SNX29: variants seen among roughly 807,000 people sequenced by gnomAD.
SNX29 encodes the protein sorting nexin 29.
SNX29 carries 78 observed loss-of-function variants against 102.1 expected under a neutral mutation model. The observed-to-expected ratio is 0.76, with a 90% CI of 0.64 to 0.92. The LOEUF (loss-of-function observed/expected upper bound fraction) is 0.92, where lower values mean the gene tolerates loss of function less well. Ranked by LOEUF, SNX29 falls within the 40% of genes least tolerant of loss-of-function variation. The probability of loss-of-function intolerance (pLI) is 0.00; values close to 1 mark genes in which losing one functional copy is unlikely to be tolerated. For missense variants in SNX29, 1,280 were observed against 1,061.7 expected (o/e 1.21, Z -2.86); for synonymous variants, 580 against 414.5 (o/e 1.40, Z -4.85).
intron 15 of SNX29, among the ~76,000 whole-genome samples, chr16:12,283,357 G>A (rs1432887159): frequency 6.8e-6 from 1 of 147,198 alleles, no homozygotes; most frequent in African/African-American, 2.5e-5. Flanking sequence ...GCCTCACTCT[G>A]TCACCAGGCT....
At chr16:12,134,775 G>A (rs1461923917) in intron 13 of SNX29, among the ~76,000 whole-genome samples, 1 of 152,172 alleles carries the variant, frequency 6.6e-6, no homozygotes, top group Non-Finnish European at 1.5e-5. Context: ...CACTCATCAG[G>A]TATCTGCTTC....
At chr16:12,442,871 G>C (rs2085872933) in intron 18 of SNX29, 1 of 379,720 alleles carries the variant, frequency 2.6e-6, no homozygotes, top group Non-Finnish European at 5.2e-6. Flanking sequence ...GGGATTTTAG[G>C]TGTCAGCCAC....
intron 11 of SNX29, among the ~76,000 whole-genome samples, chr16:12,103,000 T>C (rs1357304236): frequency 1.3e-5 from 2 of 152,180 alleles, no homozygotes; most frequent in African/African-American, 2.4e-5. Context: ...TTACAAGGGA[T>C]GTGAAGGACC....
chr16:12,520,946 C>A lies in SNX29; in HGVS notation c.2179-3756C>A, dbSNP rs1392661467. Among the ~76,000 whole-genome samples, 4 of 152,148 alleles carry A rather than the reference C, an allele frequency of 2.6e-5. No individual in the cohort carries two copies. In the East Asian group the frequency reaches 7.7e-4, roughly 29 times the overall value. Reference sequence around the variant, plus strand: ...GGGTGCAGTAGCTCATGCCTGTAATCCCAGTACTTTGGGACACTGAGGTGG... The same window carrying A: ...GGGTGCAGTAGCTCATGCCTGTAATACCAGTACTTTGGGACACTGAGGTGG... On this transcript the variant is annotated intron_variant, in intron 19 of 20. Transcript: ENST00000566228.
At chr16:12,314,598 A>G (rs2080671354) in intron 15 of SNX29, among the ~76,000 whole-genome samples, 1 of 152,258 alleles carries the variant, frequency 6.6e-6, no homozygotes, top group Non-Finnish European at 1.5e-5. Flanking sequence ...TATGCAAGAT[A>G]TACCACTTAA....
chr16:12,045,275 A>G (rs1310634328), intron 5 of SNX29, among the ~76,000 whole-genome samples: 1 of 152,114 alleles, frequency 6.6e-6, no homozygotes, highest in East Asian at 1.9e-4. Flanking sequence ...CTCTCACTCA[A>G]CTACAGGTCA....
At chr16:12,543,460 T>A (rs1024680670) in intron 20 of SNX29, among the ~76,000 whole-genome samples, 2 of 152,222 alleles carry the variant, frequency 1.3e-5, no homozygotes, top group Admixed American at 1.3e-4. Flanking sequence ...CTGCGGGGTC[T>A]GGTGAACAGC....
intron 13 of SNX29, among the ~76,000 whole-genome samples, chr16:12,146,050 TGA>T (rs2055053956): frequency 6.6e-6 from 1 of 152,156 alleles, no homozygotes; most frequent in Admixed American, 6.5e-5. Context: ...CAGCGGTGAG[TGA>T]GAGAGCCTGA....
At chr16:12,155,131 T>C (rs538028288) in intron 13 of SNX29, among the ~76,000 whole-genome samples, 20 of 152,186 alleles carry the variant, frequency 1.3e-4, no homozygotes, top group African/African-American at 4.8e-4. Context: ...CCTGCCCCCG[T>C]TGGTTGCCCC....
chr16:12,108,247 G>C lies in SNX29; in HGVS notation c.1403-18386G>C, dbSNP rs568820391. Among the ~76,000 whole-genome samples the C allele has an allele frequency of 2.5e-3, 376 of 152,320 alleles. 4 individuals carry two copies. Among genetic ancestry groups the C allele is most frequent in the Non-Finnish European group, 3.3e-3 (227 of 68,036 alleles). ...ATGAGCTATGGTAGAGGTTAGGAAG[G>C]GCCAGGACTGAGGTGGGGGAGAATG... On this transcript the variant is annotated intron_variant, in intron 11 of 20. Transcript: ENST00000566228.
intron 20 of SNX29, among the ~76,000 whole-genome samples, chr16:12,567,532 C>G (rs1022768537): frequency 6.6e-6 from 1 of 152,056 alleles, no homozygotes; most frequent in African/African-American, 2.4e-5. Flanking sequence ...CACCTGTAAT[C>G]CCAGCACTTT....
intron 1 of SNX29, among the ~76,000 whole-genome samples, chr16:11,989,224 T>C (rs2055748518): frequency 6.6e-6 from 1 of 152,154 alleles, no homozygotes; most frequent in South Asian, 2.1e-4. Context: ...CTGCCTGCCT[T>C]GGCCTCCCAA....
At chr16:12,157,353 G>C (rs986226980) in intron 13 of SNX29, among the ~76,000 whole-genome samples, 1 of 152,134 alleles carries the variant, frequency 6.6e-6, no homozygotes, top group East Asian at 1.9e-4. Flanking sequence ...GTGAGTAGGC[G>C]ATGTGCACAC....
At chr16:12,045,610 A>ATTATTATTAT (rs2050054355) in intron 5 of SNX29, among the ~76,000 whole-genome samples, 1 of 127,294 alleles carries the variant, frequency 7.9e-6, no homozygotes, top group Non-Finnish European at 1.7e-5. Flanking sequence ...GGCAGGCATT[A>ATTATTATTAT]TATTATTATT....
intron 20 of SNX29, among the ~76,000 whole-genome samples, chr16:12,549,075 G>A (rs923204439): frequency 6.6e-6 from 1 of 152,206 alleles, no homozygotes; most frequent in African/African-American, 2.4e-5. Context: ...GCATCATAGT[G>A]TTCGGCTCCC....
At chr16:12,328,519 G>A (rs985717815) in intron 15 of SNX29, among the ~76,000 whole-genome samples, 3 of 152,186 alleles carry the variant, frequency 2.0e-5, no homozygotes, top group Non-Finnish European at 4.4e-5. Context: ...GGGTGAGGCT[G>A]TGGGCAGGAG....
chr16:12,054,534 C>G (rs1364067064), intron 8 of SNX29, among the ~76,000 whole-genome samples: 1 of 152,232 alleles, frequency 6.6e-6, no homozygotes, highest in Non-Finnish European at 1.5e-5. Context: ...GGGAGGGATT[C>G]TTTCCTTTCC....
At chr16:12,528,407 C>T (rs2076844174) in intron 20 of SNX29, among the ~76,000 whole-genome samples, 3 of 152,174 alleles carry the variant, frequency 2.0e-5, no homozygotes, top group South Asian at 4.1e-4. Flanking sequence ...GCCATGTTGG[C>T]CAGGCTGGTC....
chr16:11,987,562 A>T (rs541635269), intron 1 of SNX29, among the ~76,000 whole-genome samples: 4 of 152,128 alleles, frequency 2.6e-5, no homozygotes, highest in Admixed American at 2.0e-4. Context: ...ACGCCCAGCT[A>T]ATTTTTGTAT....
Sources: allele counts gnomAD v4.1 joint callset (sites outside exome capture counted in the v4.1 genomes callset), GRCh38; gene constraint gnomAD v4.1.1; transcripts MANE v1.5; gene names NCBI Gene and HGNC (gene_info 2026-07-23, HGNC 2026-07-21).